NOS1AP: variants seen among roughly 807,000 people sequenced by gnomAD.
The protein encoded by NOS1AP is nitric oxide synthase 1 adaptor protein, also known as carboxyl-terminal PDZ ligand of neuronal nitric oxide synthase protein.
NOS1AP carries 21 observed loss-of-function variants against 56.2 expected under a neutral mutation model. The observed-to-expected ratio is 0.37, with a 90% confidence interval of 0.26 to 0.54. The LOEUF (loss-of-function observed/expected upper bound fraction) is 0.54, where lower values mean the gene tolerates loss of function less well. Among genes scored for constraint, NOS1AP ranks in the 20% least tolerant of loss-of-function variants. The pLI is 0.84. For missense variants in NOS1AP, 522 were observed against 657.8 expected (o/e 0.79, Z 2.26); for synonymous variants, 270 against 274.6 (o/e 0.98, Z 0.17).
At chr1:162,241,201 C>T (rs1285839105) in intron 2 of NOS1AP, among the ~76,000 whole-genome samples, 1 of 152,108 alleles carries the variant, frequency 6.6e-6, no homozygotes, top group Non-Finnish European at 1.5e-5. Context: ...AAGAATTAGC[C>T]AGACAAGGGA....
In NOS1AP at chr1:162,367,539, G is replaced by A; in HGVS notation, c.*72G>A. The A allele has an allele frequency of 6.8e-7, 1 of 1,464,626 alleles. No individual in the cohort carries two copies. The highest frequency in any genetic ancestry group is 9.1e-7 in the Non-Finnish European group (1 of 1,099,070). 90.7% of individuals were successfully genotyped at this position (1,464,626 alleles called of 1,614,324 possible). Reference sequence around the variant, plus strand: ...GTGTCTGGCTGCTGCCCGGGTAGGGGATGCCCAGTGAATGTGCACTGCCGA... The same window carrying A: ...GTGTCTGGCTGCTGCCCGGGTAGGGAATGCCCAGTGAATGTGCACTGCCGA... On this transcript the variant is annotated 3_prime_UTR_variant, in exon 10 of 10. Coordinates refer to ENST00000361897, the MANE Select transcript of NOS1AP (RefSeq NM_014697.3). This position sits in a 1 kb window ranked among gnomAD's most constrained non-coding sequence, Gnocchi z 6.5.
chr1:162,280,199 G>A (rs944753601), intron 2 of NOS1AP, among the ~76,000 whole-genome samples: 2 of 152,086 alleles, frequency 1.3e-5, no homozygotes, highest in African/African-American at 4.8e-5. Context: ...TGTATGAAAG[G>A]TAAAGTATGA....
At chr1:162,119,653 C>T (rs191648462) in intron 1 of NOS1AP, among the ~76,000 whole-genome samples, 328 of 152,264 alleles carry the variant, frequency 2.2e-3, no homozygotes, top group Admixed American at 4.4e-3. Context: ...CTTTATTCTT[C>T]CCTTACTAAA....
At chr1:162,126,821 A>G (rs1648510256) in intron 1 of NOS1AP, among the ~76,000 whole-genome samples, 1 of 150,870 alleles carries the variant, frequency 6.6e-6, no homozygotes, top group South Asian at 2.1e-4. Flanking sequence ...TGGAAGTGGG[A>G]TTCCTGGGTC....
At position 162,287,478 on chromosome 1, in the gene NOS1AP, AG is replaced by A. The variant is rs773459974; in HGVS notation, c.270+46del. ...CAGAATCTGAGGTGAAGAGGAAAGC[AG>A]GGGAGGTAGGCATGGGGTACCTTCT... On this transcript the variant is annotated intron_variant, in intron 3 of 9. Coordinates refer to ENST00000361897, the MANE Select transcript of NOS1AP (RefSeq NM_014697.3). The A allele has an allele frequency of 2.2e-6, 3 of 1,337,160 alleles. No homozygotes were observed. In the African/African-American group the frequency reaches 4.3e-5, roughly 19 times the overall value. The allele number at this position is 1,337,160 out of a possible 1,614,324, so 82.8% of individuals were successfully genotyped here.
chr1:162,134,151 A>G (rs1648877862), intron 1 of NOS1AP, among the ~76,000 whole-genome samples: 1 of 152,186 alleles, frequency 6.6e-6, no homozygotes, highest in Admixed American at 6.5e-5. Context: ...TCATGAATCT[A>G]AGGAGTGAGC....
chr1:162,200,484 A>G (rs1302419956), intron 2 of NOS1AP, among the ~76,000 whole-genome samples: 2 of 152,160 alleles, frequency 1.3e-5, no homozygotes, highest in East Asian at 1.9e-4. Flanking sequence ...ATCTGGCCCA[A>G]TTGCCTGTAT....
chr1:162,295,745 A>G (rs1331701903), intron 3 of NOS1AP, among the ~76,000 whole-genome samples: 1 of 152,208 alleles, frequency 6.6e-6, no homozygotes, highest in Non-Finnish European at 1.5e-5. Context: ...GCCTCCCTCT[A>G]AGTTAAGCCA....
intron 1 of NOS1AP, among the ~76,000 whole-genome samples, chr1:162,078,242 CA>C (rs1691813846): frequency 6.6e-6 from 1 of 152,178 alleles, no homozygotes; most frequent in Non-Finnish European, 1.5e-5. Context: ...TCCTGCTGGT[CA>C]TCTGTACCTG....
At chr1:162,247,440 G>C (rs1425846222) in intron 2 of NOS1AP, among the ~76,000 whole-genome samples, 4 of 152,122 alleles carry the variant, frequency 2.6e-5, no homozygotes, top group Admixed American at 2.0e-4. Context: ...GAGTTCCCAG[G>C]GTTGAGTAAC....
At position 162,213,877 on chromosome 1, in the gene NOS1AP, A is replaced by G. The variant is rs543882610; in HGVS notation, c.177+59401A>G. Among the ~76,000 whole-genome samples, 31 of 152,346 alleles carry G rather than the reference A, an allele frequency of 2.0e-4. No individual in the cohort carries two copies. In the South Asian group the frequency reaches 5.8e-3, roughly 28 times the overall value. On this transcript the variant is annotated intron_variant, in intron 2 of 9. Transcript: ENST00000361897. ...GGTAAATAGCCAGCTCATTTCTCCTATAAATTAAAATGAAGGAACCTCATC... is the reference window on the plus strand; with the variant it reads ...GGTAAATAGCCAGCTCATTTCTCCTGTAAATTAAAATGAAGGAACCTCATC...
intron 8 of NOS1AP, among the ~76,000 whole-genome samples, chr1:162,357,979 G>A (rs12060426): frequency 0.02 from 3,040 of 152,264 alleles, 107 homozygotes; most frequent in African/African-American, 0.07. Context: ...GAGGCGAGAG[G>A]CAGGGTCAGG....
chr1:162,177,735 T>G (rs1048461269), intron 2 of NOS1AP, among the ~76,000 whole-genome samples: 1 of 152,206 alleles, frequency 6.6e-6, no homozygotes, highest in Non-Finnish European at 1.5e-5. Context: ...GAATGGAAAG[T>G]TTGGGGATCC....
chr1:162,365,808 G>T (rs1219989812), intron 9 of NOS1AP, among the ~76,000 whole-genome samples: 1 of 152,076 alleles, frequency 6.6e-6, no homozygotes, highest in Non-Finnish European at 1.5e-5. Context: ...AATGTCCCCG[G>T]AGTCACTGCT....
chr1:162,083,533 G>C (rs968870540), intron 1 of NOS1AP, among the ~76,000 whole-genome samples: 3 of 152,130 alleles, frequency 2.0e-5, no homozygotes, highest in Non-Finnish European at 4.4e-5. Context: ...GAGCCACTGT[G>C]CCTGGCCTCA....
At chr1:162,140,353 G>T (rs938051799) in intron 1 of NOS1AP, among the ~76,000 whole-genome samples, 1 of 80,926 alleles carries the variant, frequency 1.2e-5, no homozygotes, top group Non-Finnish European at 3.1e-5. Context: ...TGTTACATGG[G>T]TATACCCAAT....
intron 4 of NOS1AP, among the ~76,000 whole-genome samples, chr1:162,329,040 G>A (rs935113306): frequency 5.3e-5 from 8 of 152,082 alleles, no homozygotes; most frequent in Non-Finnish European, 8.8e-5. Context: ...TTAAAATCAC[G>A]TTGTCAACCT....
intron 2 of NOS1AP, among the ~76,000 whole-genome samples, chr1:162,277,266 C>T (rs1654773324): frequency 1.3e-5 from 2 of 152,226 alleles, no homozygotes; most frequent in Admixed American, 1.3e-4. Context: ...TCAAAGAGAG[C>T]TGCCAGTATT....
intron 2 of NOS1AP, among the ~76,000 whole-genome samples, chr1:162,200,682 G>A (rs1238867063): frequency 6.6e-6 from 1 of 152,190 alleles, no homozygotes; most frequent in African/African-American, 2.4e-5. Flanking sequence ...ATGACTTTTG[G>A]AGAATCAGGA....
Sources: allele counts gnomAD v4.1 joint callset (sites outside exome capture counted in the v4.1 genomes callset), GRCh38; gene constraint gnomAD v4.1.1; non-coding constraint Gnocchi (gnomAD v3.1); transcripts MANE v1.5; gene names NCBI Gene and HGNC (gene_info 2026-07-23, HGNC 2026-07-21).